TTC27: variants seen among roughly 807,000 people sequenced by gnomAD.
The protein encoded by TTC27 is tetratricopeptide repeat protein 27.
A neutral mutation model predicts 115.9 loss-of-function variants in TTC27; 79 were observed. That is an observed-to-expected ratio of 0.68 (90% CI 0.57 to 0.82). TTC27 has a LOEUF of 0.82. Among genes scored for constraint, TTC27 ranks in the 40% least tolerant of loss-of-function variants. The pLI, the probability that TTC27 is intolerant of heterozygous loss-of-function variation, is 0.00. For synonymous variants in TTC27, 401 were observed against 356.0 expected, an observed-to-expected ratio of 1.13 and a Z score of -1.42; for missense variants, 1,054 against 993.1, an observed-to-expected ratio of 1.06 and a Z score of -0.82.
rs73924065 is a variant in TTC27, at chr2:32,812,414, T to G, written c.2197-90T>G. Reference sequence around the variant, plus strand: ...CAACACAGATGCTGCTTTTTCACATTGGAATTAGTTCCATATGACTTCCAG... The same window carrying G: ...CAACACAGATGCTGCTTTTTCACATGGGAATTAGTTCCATATGACTTCCAG... On this transcript the variant is annotated intron_variant, in intron 17 of 19. Transcript: ENST00000317907. 1,073 of 924,660 alleles carry G rather than the reference T, an allele frequency of 1.2e-3. 10 individuals are homozygous for G. In the African/African-American group the frequency reaches 0.016, roughly 14 times the overall value. The allele number at this position is 924,660 out of a possible 1,614,324, so 57.3% of individuals were successfully genotyped here.
intron 16 of TTC27, among the ~76,000 whole-genome samples, chr2:32,808,745 G>A (rs1164673154): frequency 6.6e-6 from 1 of 152,206 alleles, no homozygotes; most frequent in African/African-American, 2.4e-5. Context: ...AGGCTAAAGT[G>A]AAGGGATAGG....
intron 10 of TTC27, among the ~76,000 whole-genome samples, chr2:32,715,421 A>G (rs1027719956): frequency 6.6e-6 from 1 of 151,888 alleles, no homozygotes; most frequent in African/African-American, 2.4e-5. Flanking sequence ...ATTCTGTTCC[A>G]TTGGTCTGTG....
intron 10 of TTC27, among the ~76,000 whole-genome samples, chr2:32,706,479 A>G (rs1667372253): frequency 6.6e-6 from 1 of 152,162 alleles, no homozygotes; most frequent in Non-Finnish European, 1.5e-5. Context: ...AAATCCACAG[A>G]CAGAATGTTA....
At position 32,672,730 on chromosome 2, in the gene TTC27, G is replaced by C. The variant is rs539712423; in HGVS notation, c.1052+346G>C. Among the ~76,000 whole-genome samples, 17 of 152,278 alleles carry C rather than the reference G, an allele frequency of 1.1e-4. No individual in the cohort carries two copies. The South Asian group carries it at 3.5e-3, about 32-fold the overall frequency. Reference sequence around the variant, plus strand: ...AAGGATAGGATTATTTTTTAATACTGTGGAACCTTATCTATGGTGGAAATA... The same window carrying C: ...AAGGATAGGATTATTTTTTAATACTCTGGAACCTTATCTATGGTGGAAATA... On this transcript the variant is annotated intron_variant, in intron 8 of 19. Transcript: ENST00000317907.
At chr2:32,655,974 A>G (rs1665300243) in intron 5 of TTC27, among the ~76,000 whole-genome samples, 1 of 152,322 alleles carries the variant, frequency 6.6e-6, no homozygotes, top group African/African-American at 2.4e-5. Flanking sequence ...AGCCACATGT[A>G]GCTAACGGCT....
chr2:32,724,636 A>C (rs1668047021), intron 10 of TTC27, among the ~76,000 whole-genome samples: 1 of 152,226 alleles, frequency 6.6e-6, no homozygotes, highest in Non-Finnish European at 1.5e-5. Flanking sequence ...CCACTTGCTA[A>C]AGTACAATGG....
chr2:32,809,615 T>G lies in TTC27; in HGVS notation c.1999-1409T>G, dbSNP rs932621711. Among the ~76,000 whole-genome samples, 5 of 152,220 alleles carry G rather than the reference T, an allele frequency of 3.3e-5. No individual in the cohort carries two copies. The South Asian group carries it at 1.0e-3, about 32-fold the overall frequency. Reference sequence around the variant, plus strand: ...TGACTAGCATGGTGTTACAGTACTTTCCTCAAGCTGGTTCTTTTGCTGTCC... The same window carrying G: ...TGACTAGCATGGTGTTACAGTACTTGCCTCAAGCTGGTTCTTTTGCTGTCC... On this transcript the variant is annotated intron_variant, in intron 16 of 19. Coordinates refer to ENST00000317907, the MANE Select transcript of TTC27 (RefSeq NM_017735.5).
chr2:32,675,804 T>G (rs771655362), intron 8 of TTC27, among the ~76,000 whole-genome samples: 4 of 152,076 alleles, frequency 2.6e-5, no homozygotes, highest in African/African-American at 4.8e-5. Context: ...TTGTTTTGTT[T>G]TTTTGAGACG....
At chr2:32,688,705 C>T (rs1666718621) in intron 9 of TTC27, among the ~76,000 whole-genome samples, 1 of 152,022 alleles carries the variant, frequency 6.6e-6, no homozygotes, top group South Asian at 2.1e-4. Flanking sequence ...AAAACCACAA[C>T]AAGATACCAC....
chr2:32,629,625 G>C (rs1318971348), intron 1 of TTC27, among the ~76,000 whole-genome samples: 1 of 149,766 alleles, frequency 6.7e-6, no homozygotes, highest in East Asian at 2.0e-4. Context: ...ATTTTTAGTA[G>C]AGACGGGGTT....
At chr2:32,746,276 A>G (rs537830954) in intron 12 of TTC27, among the ~76,000 whole-genome samples, 69 of 152,242 alleles carry the variant, frequency 4.5e-4, no homozygotes, top group African/African-American at 1.3e-3. Flanking sequence ...AAGAATGCAC[A>G]TCTGGCCAGG....
Position 32,812,634 on chromosome 2 carries a change from G to A in TTC27, c.2308+19G>A. On this transcript the variant is annotated intron_variant, in intron 18 of 19. Transcript: ENST00000317907. ...GCACATGGTATTTGATGTAACATTTGATATCCATGGAATGTTTTGACTTAT... is the reference window on the plus strand; with the variant it reads ...GCACATGGTATTTGATGTAACATTTAATATCCATGGAATGTTTTGACTTAT... The A allele has an allele frequency of 6.4e-7, 1 of 1,554,908 alleles. No homozygotes were observed. Among genetic ancestry groups the A allele is most frequent in the African/African-American group, 1.4e-5 (1 of 73,864 alleles).
intron 12 of TTC27, among the ~76,000 whole-genome samples, chr2:32,742,704 C>T (rs890724302): frequency 2.6e-5 from 4 of 152,200 alleles, no homozygotes; most frequent in African/African-American, 9.7e-5. Flanking sequence ...GTTCTGTCAG[C>T]TGTGCCCCTG....
intron 12 of TTC27, 74 bp downstream of exon 12, chr2:32,736,890 T>C: frequency 1.3e-6 from 2 of 1,527,542 alleles, no homozygotes; most frequent in Non-Finnish European, 1.8e-6. Flanking sequence ...GTTTTGTTTT[T>C]CAAACCCACT....
rs913138934 is a variant in TTC27 at position 32,675,801 on chromosome 2, G to GT, written c.1053-3048dup. Among the ~76,000 whole-genome samples, 9 of 150,546 alleles carry GT rather than the reference G, an allele frequency of 6.0e-5. No individual in the cohort carries two copies. In the East Asian group the frequency reaches 1.4e-3, roughly 23 times the overall value. On this transcript the variant is annotated intron_variant, in intron 8 of 19. Coordinates refer to ENST00000317907, the MANE Select transcript of TTC27 (RefSeq NM_017735.5). ...AGGTGAATTCTTTTTTTTTTGTTTT[G>GT]TTTTTTTGAGACGGAGTTTCACTCT...
At chr2:32,798,519 C>A (rs1472597545) in intron 16 of TTC27, among the ~76,000 whole-genome samples, 1 of 151,732 alleles carries the variant, frequency 6.6e-6, no homozygotes, top group South Asian at 2.1e-4. Flanking sequence ...CTGGCTAACA[C>A]GGTGAAGCCC....
intron 16 of TTC27, among the ~76,000 whole-genome samples, chr2:32,807,065 T>G (rs74895527): frequency 0.04 from 6,102 of 152,144 alleles, 179 homozygotes; most frequent in Middle Eastern, 0.088. Flanking sequence ...AACCCTCCCT[T>G]CCTTCTTTTA....
chr2:32,741,682 C>A (rs200289884), intron 12 of TTC27, among the ~76,000 whole-genome samples: 16 of 151,142 alleles, frequency 1.1e-4, no homozygotes, highest in Admixed American at 2.0e-4. Context: ...ACAACAACAA[C>A]AAAAAAACAG....
chr2:32,638,631 G>A (rs184660816), intron 3 of TTC27, among the ~76,000 whole-genome samples: 19 of 152,294 alleles, frequency 1.2e-4, no homozygotes, highest in Non-Finnish European at 1.9e-4. Context: ...CACCCGCGTG[G>A]CCTTCCAGAG....
Sources: gnomAD v4.1 joint callset for allele counts (sites outside exome capture counted in the v4.1 genomes callset) on GRCh38, gnomAD v4.1.1 for gene constraint, MANE v1.5 for transcripts, NCBI Gene and HGNC (gene_info 2026-07-23, HGNC 2026-07-21) for gene names.